Variants in SERAC1 observed in about 807,000 individuals in gnomAD.
The protein encoded by SERAC1 is serine active site containing 1.
A neutral mutation model predicts 85.7 loss-of-function variants in SERAC1; 36 were observed. The ratio of observed to expected loss-of-function variants is 0.42; its 90% confidence interval spans 0.32 to 0.55. The LOEUF is 0.55. Ranked by LOEUF, SERAC1 falls within the 20% of genes least tolerant of loss-of-function variation. The pLI, the probability that SERAC1 is intolerant of heterozygous loss-of-function variation, is 0.11. For missense variants in SERAC1, 629 were observed against 796.2 expected (o/e 0.79, Z 2.53); for synonymous variants, 242 against 265.3 (o/e 0.91, Z 0.85).
chr6:158,153,415 A>G (rs1457311012), intron 3 of SERAC1, among the ~76,000 whole-genome samples: 1 of 152,200 alleles, frequency 6.6e-6, no homozygotes, highest in Non-Finnish European at 1.5e-5. Context: ...ATGCTGTGAC[A>G]TATCTTATAC....
chr6:158,144,927 T>C (rs1005344788), intron 6 of SERAC1, among the ~76,000 whole-genome samples: 2 of 152,194 alleles, frequency 1.3e-5, no homozygotes, highest in Admixed American at 1.3e-4. Flanking sequence ...AAAGCAAACA[T>C]TATTTTCAAT....
chr6:158,162,834 AT>A (rs199789731), intron 1 of SERAC1, among the ~76,000 whole-genome samples: 2 of 152,040 alleles, frequency 1.3e-5, no homozygotes, highest in African/African-American at 2.4e-5. Context: ...TTAAATGCAG[AT>A]TTTTTTTAAT....
At chr6:158,163,704 T>C (rs941582747) in intron 1 of SERAC1, among the ~76,000 whole-genome samples, 1 of 152,000 alleles carries the variant, frequency 6.6e-6, no homozygotes, top group Non-Finnish European at 1.5e-5. Context: ...ATATAAACAC[T>C]GCACTGTTTA....
At chr6:158,114,241 G>A (rs933438704) in intron 15 of SERAC1, among the ~76,000 whole-genome samples, 4 of 152,176 alleles carry the variant, frequency 2.6e-5, no homozygotes, top group Admixed American at 2.0e-4. Flanking sequence ...CTCCACGAAA[G>A]GAAAGTCCAA....
intron 9 of SERAC1, among the ~76,000 whole-genome samples, chr6:158,129,843 G>A (rs987689059): frequency 3.2e-4 from 49 of 151,932 alleles, no homozygotes; most frequent in African/African-American, 1.1e-3. Context: ...TTACAGGTGC[G>A]CACCACCACA....
chr6:158,126,336 G>A (rs1040655036), intron 10 of SERAC1, among the ~76,000 whole-genome samples: 1 of 152,118 alleles, frequency 6.6e-6, no homozygotes, highest in African/African-American at 2.4e-5. Context: ...CCAAAATAAT[G>A]TGGGCATATC....
chr6:158,139,422 C>T (rs1019326031), intron 8 of SERAC1, among the ~76,000 whole-genome samples: 27 of 152,256 alleles, frequency 1.8e-4, no homozygotes, highest in African/African-American at 6.5e-4. Context: ...TCAACTCTTA[C>T]AATTCAACAT....
At position 158,159,586 on chromosome 6, in the gene SERAC1, G is replaced by A. The variant is rs1335555157; in HGVS notation, c.-1-1222C>T. 2.7e-5 allele frequency among the ~76,000 whole-genome samples: 4 copies of A among 149,942 alleles called. No homozygotes were observed. The South Asian group carries it at 6.3e-4, about 23-fold the overall frequency. ...TCTAATCTGTGAGCTGTTTAAGAGT[G>A]TAGCTTTTAGTTTCCAAATATATAA... On this transcript the variant is annotated intron_variant, in intron 1 of 16. Transcript: ENST00000647468.
rs1784314915 is a variant in SERAC1, at chr6:158,117,410, AAG to A, written c.1403+315_1403+316del. 2 of 804,356 alleles carry A rather than the reference AAG, an allele frequency of 2.5e-6. No individual in the cohort carries two copies. The highest frequency in any genetic ancestry group is 1.7e-6 in the Non-Finnish European group (1 of 588,366). 49.8% of individuals were successfully genotyped at this position (804,356 alleles called of 1,614,324 possible). ...CTTTAGCCAGTATGATTGTGGACACAAGAACAAAAAAACATCACTTTTACTTC... is the reference window on the plus strand; with the variant it reads ...CTTTAGCCAGTATGATTGTGGACACAAACAAAAAAACATCACTTTTACTTC... On this transcript the variant is annotated intron_variant, in intron 13 of 16. Coordinates refer to ENST00000647468, the MANE Select transcript of SERAC1 (RefSeq NM_032861.4). This position sits in a 1 kb window ranked among gnomAD's most constrained non-coding sequence, Gnocchi z 4.3.
intron 4 of SERAC1, 99 bp from the exon 5 acceptor site, chr6:158,149,053 A>C: frequency 1.3e-6 from 1 of 793,072 alleles, no homozygotes; most frequent in Non-Finnish European, 1.9e-6. Flanking sequence ...GCAGTGGCAC[A>C]ATCTCGGCTC....
chr6:158,118,318 ATAAG>A (rs2128411748), intron 12 of SERAC1, among the ~76,000 whole-genome samples: 1 of 152,350 alleles, frequency 6.6e-6, no homozygotes, highest in Admixed American at 6.5e-5. Flanking sequence ...GTGAAGGAGA[ATAAG>A]TAGTAATGGA....
chr6:158,154,478 A>G (rs1457491328), intron 3 of SERAC1, among the ~76,000 whole-genome samples: 1 of 152,190 alleles, frequency 6.6e-6, no homozygotes, highest in Non-Finnish European at 1.5e-5. Context: ...AATGCCAAAT[A>G]TATCTCTTTT....
chr6:158,126,213 C>A (rs910499974), intron 10 of SERAC1, among the ~76,000 whole-genome samples: 2 of 152,144 alleles, frequency 1.3e-5, no homozygotes, highest in Admixed American at 1.3e-4. Flanking sequence ...AATATGCACT[C>A]CTATCATTTA....
chr6:158,116,460 ACTC>A lies in SERAC1; in HGVS notation c.1404-181_1404-179del, dbSNP rs199901794. ...AAATACCCCTATTCTCTCTTATTGA[ACTC>A]CTGGCCCCAAGGAATCCTCCCACCT... is the stretch of plus-strand genomic sequence containing the variant. On this transcript the variant is annotated intron_variant, in intron 13 of 16. Transcript: ENST00000647468. 8,779 of 546,328 alleles carry A rather than the reference ACTC, an allele frequency of 0.016. 111 individuals are homozygous for A. The highest frequency in any genetic ancestry group is 0.019 in the Non-Finnish European group (5,729 of 306,532). The allele number at this position is 546,328 out of a possible 1,614,324, so 33.8% of individuals were successfully genotyped here. A position where few individuals can be genotyped will look rare whatever the true frequency, so the allele number is the denominator to read the frequency against.
chr6:158,117,334 C>A lies in SERAC1; in HGVS notation c.1403+393G>T. 1.6e-6 allele frequency: 1 copy of A among 617,154 alleles called. No individual in the cohort carries two copies. Among genetic ancestry groups the A allele is most frequent in the Non-Finnish European group, 2.8e-6 (1 of 357,062 alleles). 38.2% of individuals were successfully genotyped at this position (617,154 alleles called of 1,614,324 possible). A position where few individuals can be genotyped will look rare whatever the true frequency, so the allele number is the denominator to read the frequency against. On this transcript the variant is annotated intron_variant, in intron 13 of 16. Coordinates refer to ENST00000647468, the MANE Select transcript of SERAC1 (RefSeq NM_032861.4). The surrounding 1 kb of genome is among the most constrained non-coding windows in gnomAD (Gnocchi z 4.3). ...CCATGTATACAACTGGCACAGATGA[C>A]ATACAAGGGAAATAGCAGCTGATAT...
intron 8 of SERAC1, among the ~76,000 whole-genome samples, chr6:158,138,278 C>CA (rs1467487215): frequency 1.3e-5 from 2 of 151,438 alleles, no homozygotes; most frequent in Non-Finnish European, 2.9e-5. Flanking sequence ...ACTAAAAATA[C>CA]AAAAAAATTA....
At position 158,111,519 on chromosome 6, in the gene SERAC1, A is replaced by G; in HGVS notation, c.1829-17T>C. The G allele has an allele frequency of 6.4e-7, 1 of 1,569,116 alleles. No homozygotes were observed. Among genetic ancestry groups the G allele is most frequent in the Non-Finnish European group, 8.6e-7 (1 of 1,160,518 alleles). ...TGCCTAAATCTGAAGAAAATAAAAAAGTCAATAAACCTAAGTAAAAATATA... is the reference window on the plus strand; with the variant it reads ...TGCCTAAATCTGAAGAAAATAAAAAGGTCAATAAACCTAAGTAAAAATATA... On this transcript the variant is annotated splice_polypyrimidine_tract_variant and intron_variant, in intron 16 of 16. Transcript: ENST00000647468.
At chr6:158,115,951 C>T (rs748846499) in intron 14 of SERAC1, among the ~76,000 whole-genome samples, 20 of 152,198 alleles carry the variant, frequency 1.3e-4, no homozygotes, top group Non-Finnish European at 2.2e-4. Flanking sequence ...CGCTGTCAAA[C>T]CCATATCCCT....
In SERAC1 at chr6:158,143,175, T is replaced by C. The variant is rs1784959412; in HGVS notation, c.619A>G (p.Thr207Ala). The C allele has an allele frequency of 1.9e-6, 3 of 1,612,980 alleles. No homozygotes were observed. The highest frequency in any genetic ancestry group is 2.7e-5 in the African/African-American group (2 of 74,850). ...PLPSLKEDSS[T>A]EEELRQLLAS... Reference sequence around the variant, plus strand: ...AGCAACTGTCTGAGCTCTTCTTCAGTGGAAGAATCCTGAAATAAAAGGAAA... The same window carrying C: ...AGCAACTGTCTGAGCTCTTCTTCAGCGGAAGAATCCTGAAATAAAAGGAAA... Residue 207 changes from threonine to alanine, a missense_variant, in exon 8 of 17, where the codon ACT becomes GCT. Physicochemically the swap from Thr to Ala is moderately conservative, Grantham distance 58. Coordinates refer to ENST00000647468, the MANE Select transcript of SERAC1 (RefSeq NM_032861.4).
Sources: gnomAD v4.1 joint callset for allele counts (sites outside exome capture counted in the v4.1 genomes callset) on GRCh38, gnomAD v4.1.1 for gene constraint, Gnocchi (gnomAD v3.1) non-coding constraint, MANE v1.5 for transcripts, NCBI Gene and HGNC (gene_info 2026-07-23, HGNC 2026-07-21) for gene names.